The following PLEKHG1 variants were observed in gnomAD, a reference collection of about 807,000 sequenced individuals.
PLEKHG1 encodes pleckstrin homology domain-containing family G member 1.
PLEKHG1 carries 44 observed loss-of-function variants against 100.8 expected under a neutral mutation model. The observed-to-expected ratio is 0.44, with a 90% CI of 0.34 to 0.56. The LOEUF (loss-of-function observed/expected upper bound fraction) is 0.56, where lower values mean the gene tolerates loss of function less well. Ranked by LOEUF, PLEKHG1 falls within the 20% of genes least tolerant of loss-of-function variation. The pLI, the probability that PLEKHG1 is intolerant of heterozygous loss-of-function variation, is 0.01. For synonymous variants in PLEKHG1, 640 were observed against 662.5 expected (o/e 0.97, Z 0.52); for missense variants, 1,545 against 1,720.9 (o/e 0.90, Z 1.81).
intron 3 of PLEKHG1, among the ~76,000 whole-genome samples, chr6:150,700,899 T>A (rs1276590665): frequency 6.6e-6 from 1 of 150,982 alleles, no homozygotes; most frequent in African/African-American, 2.5e-5. Context: ...TCCCTCTCTC[T>A]CTAAACAATT....
intron 2 of PLEKHG1, among the ~76,000 whole-genome samples, chr6:150,737,039 C>T (rs761993406): frequency 3.9e-5 from 6 of 152,122 alleles, no homozygotes; most frequent in Admixed American, 6.5e-5. Flanking sequence ...TTCCAGAAGT[C>T]ACTAGAATGC....
intron 3 of PLEKHG1, among the ~76,000 whole-genome samples, chr6:150,688,340 A>G (rs1260472651): frequency 6.6e-6 from 1 of 151,484 alleles, no homozygotes; most frequent in Non-Finnish European, 1.5e-5. Flanking sequence ...TTATTTTTTG[A>G]GAAGGAGTCT....
intron 3 of PLEKHG1, among the ~76,000 whole-genome samples, chr6:150,715,634 T>C (rs550217465): frequency 6.6e-6 from 1 of 151,308 alleles, no homozygotes; most frequent in East Asian, 2.0e-4. Context: ...ATTACAGGCA[T>C]GCGCCACCAC....
intron 2 of PLEKHG1, among the ~76,000 whole-genome samples, chr6:150,746,345 T>C (rs1173145259): frequency 1.3e-5 from 2 of 152,238 alleles, no homozygotes; most frequent in Non-Finnish European, 2.9e-5. Flanking sequence ...GAACTGACTG[T>C]ACCTATTCTT....
At chr6:150,734,011 G>A (rs1782433477) in exon 2 of PLEKHG1, 1 of 1,614,164 alleles carries the variant, frequency 6.2e-7, no homozygotes, top group Non-Finnish European at 8.5e-7. Flanking sequence ...CGAGCCCCAA[G>A]CTCCTCTATG....
chr6:150,609,114 C>T (rs1396489170), intron 1 of PLEKHG1, among the ~76,000 whole-genome samples: 1 of 152,124 alleles, frequency 6.6e-6, no homozygotes, highest in Non-Finnish European at 1.5e-5. Flanking sequence ...GCAAAGGGAA[C>T]ACATTTTTGC....
At chr6:150,698,499 T>TATATACACAC (rs66635945) in intron 3 of PLEKHG1, among the ~76,000 whole-genome samples, 1 of 151,788 alleles carries the variant, frequency 6.6e-6, no homozygotes, top group South Asian at 2.1e-4. Flanking sequence ...ATACTATATA[T>TATATACACAC]ACACACACAC....
chr6:150,771,173 G>A (rs1317710440), intron 3 of PLEKHG1, among the ~76,000 whole-genome samples: 1 of 152,198 alleles, frequency 6.6e-6, no homozygotes, highest in Non-Finnish European at 1.5e-5. Flanking sequence ...AGCACTTTGG[G>A]AGGCCGAAGT....
intron 3 of PLEKHG1, among the ~76,000 whole-genome samples, chr6:150,705,447 G>A (rs1002045544): frequency 2.6e-5 from 4 of 152,244 alleles, no homozygotes; most frequent in Admixed American, 1.3e-4. Context: ...CATGGAAAGC[G>A]GCGGGGACCG....
intron 1 of PLEKHG1, chr6:150,624,996 GC>G (rs1777452029): frequency 6.6e-6 from 1 of 152,110 alleles, no homozygotes. Context: ...TTTGAGATCA[GC>G]CTGGCCAACA....
rs1389259884 is a variant in PLEKHG1 at position 150,801,432 on chromosome 6, C to CTTT, written c.780+565_780+567dup. Reference sequence around the variant, plus strand: ...TAGCTCTTAAATTCTTTTTTCTTTTCTTTTCTTTTTTTTTTTTTTTTTTGA... The same window carrying CTTT: ...TAGCTCTTAAATTCTTTTTTCTTTTCTTTTTTTCTTTTTTTTTTTTTTTTTTGA... On this transcript the variant is annotated intron_variant, in intron 6 of 15. Coordinates refer to ENST00000358517, the Ensembl canonical transcript of PLEKHG1. 1.7e-4 allele frequency among the ~76,000 whole-genome samples: 21 copies of CTTT among 125,874 alleles called. 1 individual carries two copies. The highest frequency in any genetic ancestry group is 2.7e-4 in the South Asian group (1 of 3,772). The allele number at this position is 125,874 out of a possible 152,430, so 82.6% of individuals were successfully genotyped here. A position where few individuals can be genotyped will look rare whatever the true frequency, so the allele number is the denominator to read the frequency against.
At chr6:150,727,722 G>A (rs1050639719) in intron 1 of PLEKHG1, among the ~76,000 whole-genome samples, 2 of 152,156 alleles carry the variant, frequency 1.3e-5, no homozygotes, top group African/African-American at 2.4e-5. Flanking sequence ...CCACCTCCAG[G>A]TTTACCAAAG....
In PLEKHG1 at chr6:150,831,458, C is replaced by G; in HGVS notation, c.2347C>G (p.Pro783Ala). The G allele has an allele frequency of 6.2e-7, 1 of 1,614,128 alleles. No homozygotes were observed. The highest frequency in any genetic ancestry group is 8.5e-7 in the Non-Finnish European group (1 of 1,180,030). ...CTTCGTGTGCTGTGACAGCCTGAGGCCATTTGTTTCCCAAGACAGCCTCCA... is the reference window on the plus strand; with the variant it reads ...CTTCGTGTGCTGTGACAGCCTGAGGGCATTTGTTTCCCAAGACAGCCTCCA... The change falls in exon 15 of 16, where the codon CCA becomes GCA. Residue 783 changes from proline to alanine, a missense_variant. Pro to Ala is a conservative substitution (Grantham distance 27). Coordinates refer to ENST00000358517, the Ensembl canonical transcript of PLEKHG1. The surrounding 1 kb of genome is among the most constrained non-coding windows in gnomAD (Gnocchi z 4.1).
intron 6 of PLEKHG1, among the ~76,000 whole-genome samples, chr6:150,801,612 G>A (rs2128663804): frequency 6.6e-6 from 1 of 151,292 alleles, no homozygotes; most frequent in Middle Eastern, 3.4e-3. Flanking sequence ...TAATTTTTTT[G>A]TATTTTTGGT....
At chr6:150,719,283 C>A (rs1422441923), upstream of PLEKHG1, among the ~76,000 whole-genome samples, 2 of 131,630 alleles carry the variant, frequency 1.5e-5, no homozygotes, top group African/African-American at 5.3e-5. Flanking sequence ...AAACATGTTT[C>A]TTGGCAAAAA....
At chr6:150,732,586 T>C (rs534015862) in intron 1 of PLEKHG1, among the ~76,000 whole-genome samples, 6 of 152,370 alleles carry the variant, frequency 3.9e-5, no homozygotes, top group Admixed American at 3.3e-4. Flanking sequence ...CTAGACGAGA[T>C]GGCAGATTGC....
At chr6:150,807,278 G>A (rs1303463875) in intron 7 of PLEKHG1, among the ~76,000 whole-genome samples, 1 of 152,128 alleles carries the variant, frequency 6.6e-6, no homozygotes, top group African/African-American at 2.4e-5. Flanking sequence ...TAATCCACTG[G>A]GGGTCTTGGA....
chr6:150,748,788 A>G (rs976771020), intron 2 of PLEKHG1, among the ~76,000 whole-genome samples: 1 of 150,750 alleles, frequency 6.6e-6, no homozygotes, highest in Non-Finnish European at 1.5e-5. Context: ...ATGCCCGGCT[A>G]ATTTTTTTTG....
At chr6:150,818,863 C>A (rs188353159) in intron 11 of PLEKHG1, among the ~76,000 whole-genome samples, 1 of 152,218 alleles carries the variant, frequency 6.6e-6, no homozygotes, top group Non-Finnish European at 1.5e-5. Flanking sequence ...TTTACTTAAC[C>A]CTTTCATAAG....
Sources: allele counts gnomAD v4.1 joint callset (sites outside exome capture counted in the v4.1 genomes callset), GRCh38; gene constraint gnomAD v4.1.1; non-coding constraint Gnocchi (gnomAD v3.1); transcripts MANE v1.5; gene names NCBI Gene and HGNC (gene_info 2026-07-23, HGNC 2026-07-21).